The following MSRB3 variants were observed in gnomAD, a reference collection of about 807,000 sequenced individuals.
MSRB3 encodes the protein methionine-R-sulfoxide reductase B3.
Under a neutral mutation model 21.0 loss-of-function variants are expected in MSRB3, and 13 were observed. That is an observed-to-expected ratio of 0.62 (90% CI 0.40 to 0.98). The LOEUF (loss-of-function observed/expected upper bound fraction) is 0.98. MSRB3 is among the 50% of genes least tolerant of loss of function. The probability of loss-of-function intolerance (pLI) is 0.00; values close to 1 mark genes in which losing one functional copy is unlikely to be tolerated. For missense variants in MSRB3, 199 were observed against 230.3 expected (o/e 0.86, Z 0.88); for synonymous variants, 87 against 88.6 (o/e 0.98, Z 0.10).
chr12:65,368,142 T>C (rs1175647228), intron 4 of MSRB3, among the ~76,000 whole-genome samples: 1 of 152,184 alleles, frequency 6.6e-6, no homozygotes, highest in Admixed American at 6.5e-5. Context: ...CCTTTCCCAC[T>C]TAGTTAACTA....
At chr12:65,456,654 C>G (rs1883101702) in intron 6 of MSRB3, among the ~76,000 whole-genome samples, 1 of 152,214 alleles carries the variant, frequency 6.6e-6, no homozygotes, top group African/African-American at 2.4e-5. Flanking sequence ...TTTCCACAGC[C>G]TTCACTTTTC....
At chr12:65,306,491 T>G (rs1405252968) in intron 1 of MSRB3, among the ~76,000 whole-genome samples, 3 of 152,210 alleles carry the variant, frequency 2.0e-5, no homozygotes, top group Non-Finnish European at 4.4e-5. Flanking sequence ...CTACTATCCA[T>G]GCAGGCATTA....
At chr12:65,344,414 A>T (rs935426888) in intron 4 of MSRB3, among the ~76,000 whole-genome samples, 1 of 152,106 alleles carries the variant, frequency 6.6e-6, no homozygotes. Flanking sequence ...GTAAAAAGAG[A>T]TCTAGAGAAA....
intron 5 of MSRB3, among the ~76,000 whole-genome samples, chr12:65,425,057 TTTACAGTAGTTATATGCTCTTG>T (rs1881522329): frequency 2.2e-5 from 1 of 45,268 alleles, no homozygotes; most frequent in Non-Finnish European, 5.4e-5. Context: ...ATTATATATA[TTTACAGTAGTTATATGCTCTTG>T]AAGAATTGAC....
At position 65,358,616 on chromosome 12, in the gene MSRB3, A is replaced by G. The variant is rs140202199; in HGVS notation, c.264-10382A>G. ...TCTTGATGATCCAGGTTTATCTTGT[A>G]TATTTCCTGCCCTAGTCCTAGAATC... On this transcript the variant is annotated intron_variant, in intron 4 of 6. Coordinates refer to ENST00000308259, the MANE Select transcript of MSRB3 (RefSeq NM_001031679.3). 2.6e-5 allele frequency among the ~76,000 whole-genome samples: 4 copies of G among 151,810 alleles called. No homozygotes were observed. The East Asian group carries it at 7.8e-4, about 30-fold the overall frequency.
rs769506941 is a variant in MSRB3 at position 65,398,071 on chromosome 12, G to A, written c.292+29045G>A. Among the ~76,000 whole-genome samples, 10 of 152,242 alleles carry A rather than the reference G, an allele frequency of 6.6e-5. No homozygotes were observed. In the East Asian group the frequency reaches 1.3e-3, roughly 21 times the overall value. On this transcript the variant is annotated intron_variant, in intron 5 of 6. Transcript: ENST00000308259. ...GTGAACAGTGCTGCAATAAACATAC[G>A]TGTACATATGTCTTTATAGTAGAAT...
chr12:65,459,344 A>T (rs775221034), intron 6 of MSRB3, among the ~76,000 whole-genome samples: 6 of 152,220 alleles, frequency 3.9e-5, no homozygotes, highest in Non-Finnish European at 7.3e-5. Context: ...TTAATCTTCT[A>T]CAGATGACAA....
chr12:65,398,077 A>C (rs1879913298), intron 5 of MSRB3, among the ~76,000 whole-genome samples: 1 of 152,200 alleles, frequency 6.6e-6, no homozygotes, highest in African/African-American at 2.4e-5. Flanking sequence ...ATACGTGTAC[A>C]TATGTCTTTA....
At chr12:65,439,183 G>T (rs765876605) in intron 5 of MSRB3, among the ~76,000 whole-genome samples, 6 of 151,440 alleles carry the variant, frequency 4.0e-5, no homozygotes, top group Admixed American at 6.6e-5. Flanking sequence ...AAGTACAGAG[G>T]ATAAAGGGGA....
intron 5 of MSRB3, among the ~76,000 whole-genome samples, chr12:65,409,223 T>C (rs74947272): frequency 0.072 from 10,957 of 151,920 alleles, 602 homozygotes; most frequent in East Asian, 0.27. Flanking sequence ...CACACTGTCA[T>C]GAATAATTTA....
intron 1 of MSRB3, among the ~76,000 whole-genome samples, chr12:65,293,622 T>G (rs1872782500): frequency 6.6e-6 from 1 of 152,210 alleles, no homozygotes; most frequent in Admixed American, 6.6e-5. Context: ...GGCTTTCTCA[T>G]GCCCCACAAG....
At chr12:65,343,803 TC>T (rs1876305637) in intron 4 of MSRB3, among the ~76,000 whole-genome samples, 1 of 152,090 alleles carries the variant, frequency 6.6e-6, no homozygotes, top group South Asian at 2.1e-4. Context: ...GGCTGATTCT[TC>T]TTTTTGCTGA....
chr12:65,377,440 C>T (rs542266395), intron 5 of MSRB3, among the ~76,000 whole-genome samples: 11 of 152,096 alleles, frequency 7.2e-5, no homozygotes, highest in South Asian at 4.2e-4. Flanking sequence ...CTCCGTCCCC[C>T]GCCCTTCTGC....
At chr12:65,346,254 C>T (rs2136483061) in intron 4 of MSRB3, among the ~76,000 whole-genome samples, 1 of 152,250 alleles carries the variant, frequency 6.6e-6, no homozygotes, top group East Asian at 1.9e-4. Context: ...CTGTTGTTTC[C>T]TGACTTTTTA....
In MSRB3 at chr12:65,328,608, G is replaced by C; in HGVS notation, c.263+5G>C. On this transcript the variant is annotated splice_donor_5th_base_variant and intron_variant, in intron 4 of 6. Transcript: ENST00000308259. The stretch of plus-strand genomic sequence containing the variant: ...TTGTGGAACTCCATTGTTTAAGTAA[G>C]TATGTTGAAAACCTATAGGTATGGC... 1 of 1,599,852 alleles carries C rather than the reference G, an allele frequency of 6.3e-7. No homozygotes were observed. The highest frequency in any genetic ancestry group is 8.6e-7 in the Non-Finnish European group (1 of 1,167,316).
chr12:65,317,759 G>T (rs1217559825), intron 2 of MSRB3, among the ~76,000 whole-genome samples: 1 of 152,090 alleles, frequency 6.6e-6, no homozygotes, highest in Non-Finnish European at 1.5e-5. Flanking sequence ...CATTATTTAT[G>T]TTTAAAATTT....
chr12:65,367,687 C>A (rs973915252), intron 4 of MSRB3, among the ~76,000 whole-genome samples: 1 of 152,060 alleles, frequency 6.6e-6, no homozygotes, highest in Non-Finnish European at 1.5e-5. Context: ...CAAGGCTTTG[C>A]AGAATTGGAG....
At chr12:65,373,694 A>G (rs1192829341) in intron 5 of MSRB3, among the ~76,000 whole-genome samples, 2 of 152,196 alleles carry the variant, frequency 1.3e-5, no homozygotes, top group Non-Finnish European at 2.9e-5. Context: ...CCTAATGAGC[A>G]TGGTTTAGTG....
intron 1 of MSRB3, among the ~76,000 whole-genome samples, chr12:65,298,573 T>A (rs6581624): frequency 6.6e-6 from 1 of 152,086 alleles, no homozygotes; most frequent in African/African-American, 2.4e-5. Flanking sequence ...TGTCAAAGGA[T>A]AGTTGATAGA....
Sources: allele counts gnomAD v4.1 joint callset (sites outside exome capture counted in the v4.1 genomes callset), GRCh38; gene constraint gnomAD v4.1.1; transcripts MANE v1.5; gene names NCBI Gene and HGNC (gene_info 2026-07-23, HGNC 2026-07-21).